The following ZFYVE9 variants were observed in gnomAD, a reference collection of about 807,000 sequenced individuals.
ZFYVE9 encodes zinc finger FYVE domain-containing protein 9.
Under a neutral mutation model 126.7 loss-of-function variants are expected in ZFYVE9, and 43 were observed. The observed-to-expected ratio is 0.34, with a 90% CI of 0.27 to 0.44. The LOEUF (loss-of-function observed/expected upper bound fraction) is 0.44. Ranked by LOEUF, ZFYVE9 falls within the 20% of genes least tolerant of loss-of-function variation. The probability of loss-of-function intolerance (pLI) is 1.00; values close to 1 mark genes in which losing one functional copy is unlikely to be tolerated. For synonymous variants in ZFYVE9, 521 were observed against 597.4 expected, an observed-to-expected ratio of 0.87 and a Z score of 1.87; for missense variants, 1,476 against 1,697.0, an observed-to-expected ratio of 0.87 and a Z score of 2.29.
intron 14 of ZFYVE9, among the ~76,000 whole-genome samples, 186 bp downstream of exon 14, chr1:52,333,104 G>T (rs932177829): frequency 1.3e-5 from 2 of 152,064 alleles, no homozygotes; most frequent in African/African-American, 4.8e-5. Context: ...AGTTGCAAAT[G>T]GGATATGTGT....
At chr1:52,203,609 G>A (rs922706416) in intron 1 of ZFYVE9, among the ~76,000 whole-genome samples, 4 of 150,828 alleles carry the variant, frequency 2.7e-5, no homozygotes, top group African/African-American at 9.7e-5. Flanking sequence ...GAATTGGTAC[G>A]TGGCATTAAT....
chr1:52,146,944 C>T (rs927325687), intron 1 of ZFYVE9, among the ~76,000 whole-genome samples: 1 of 152,096 alleles, frequency 6.6e-6, no homozygotes, highest in African/African-American at 2.4e-5. Context: ...GCTCAAAGGT[C>T]CAAAACTTTT....
At chr1:52,261,997 C>T (rs1316529746) in intron 4 of ZFYVE9, among the ~76,000 whole-genome samples, 1 of 152,132 alleles carries the variant, frequency 6.6e-6, no homozygotes, top group Non-Finnish European at 1.5e-5. Flanking sequence ...CTGTATGACC[C>T]TGGTAATTTT....
chr1:52,247,255 G>A (rs1478500881), intron 4 of ZFYVE9, among the ~76,000 whole-genome samples: 1 of 152,168 alleles, frequency 6.6e-6, no homozygotes, highest in African/African-American at 2.4e-5. Context: ...TAAAACACAT[G>A]TAGCTAGAAA....
chr1:52,144,879 G>T (rs1341653911), intron 1 of ZFYVE9, among the ~76,000 whole-genome samples: 1 of 152,038 alleles, frequency 6.6e-6, no homozygotes, highest in South Asian at 2.1e-4. Flanking sequence ...ACCTTGCGAG[G>T]CTTTTAGGAT....
Position 52,239,063 on chromosome 1 carries a change from A to G in ZFYVE9, c.1646A>G (p.Asn549Ser). Reference sequence around the variant, plus strand: ...CTAATGAAGAAAAATTATTTACATAATTTCTGTAGTCAAGTTCCATCAGTG... The same window carrying G: ...CTAATGAAGAAAAATTATTTACATAGTTTCTGTAGTCAAGTTCCATCAGTG... ...GDLMKKNYLH[N>S]FCSQVPSVLG... The change falls in exon 4 of 19, where the codon AAT becomes AGT. Residue 549 changes from asparagine to serine, a missense_variant. By Grantham distance (46) the Asn-to-Ser change is conservative. Around this residue, in one of 2 missense-constraint regions of ZFYVE9, gnomAD observed 807 missense variants for 794.6 expected, o/e 1.02. Transcript: ENST00000287727. 1.2e-6 allele frequency: 2 copies of G among 1,614,126 alleles called. No individual in the cohort carries two copies. Among genetic ancestry groups the G allele is most frequent in the African/African-American group, 2.7e-5 (2 of 75,050 alleles).
At chr1:52,278,420 C>A (rs1350301472) in intron 8 of ZFYVE9, 72 bp from the exon 9 acceptor site, 2 of 1,572,452 alleles carry the variant, frequency 1.3e-6, no homozygotes, top group Non-Finnish European at 8.7e-7. Context: ...ATAATTAGCT[C>A]ATTTCTCCAT....
intron 3 of ZFYVE9, among the ~76,000 whole-genome samples, chr1:52,237,092 A>AACT (rs1645279646): frequency 6.6e-6 from 1 of 152,086 alleles, no homozygotes; most frequent in African/African-American, 2.4e-5. Flanking sequence ...CTCTACAGAA[A>AACT]ACTTCATTTT....
chr1:52,149,654 G>T (rs554905607), intron 1 of ZFYVE9, among the ~76,000 whole-genome samples: 8 of 152,086 alleles, frequency 5.3e-5, no homozygotes, highest in Non-Finnish European at 1.2e-4. Flanking sequence ...GCCACCACGC[G>T]TGGCTAATTT....
chr1:52,263,127 A>ATTG (rs1410683559), intron 4 of ZFYVE9, among the ~76,000 whole-genome samples: 2 of 151,490 alleles, frequency 1.3e-5, no homozygotes, highest in Non-Finnish European at 2.9e-5. Context: ...AACAAAGGAG[A>ATTG]TTGTTGTTGC....
intron 2 of ZFYVE9, among the ~76,000 whole-genome samples, chr1:52,231,741 A>G (rs913582775): frequency 4.0e-5 from 6 of 151,810 alleles, no homozygotes; most frequent in African/African-American, 1.5e-4. Context: ...CTCCCTCCTC[A>G]GCCTCCTGAG....
intron 1 of ZFYVE9, among the ~76,000 whole-genome samples, chr1:52,200,058 C>A (rs1381617312): frequency 6.8e-6 from 1 of 147,440 alleles, no homozygotes; most frequent in African/African-American, 2.5e-5. Context: ...TTTAAAAGTT[C>A]TTTGTACATT....
intron 16 of ZFYVE9, 66 bp from the exon 17 acceptor site, chr1:52,340,060 G>T (rs370350758): frequency 1.5e-6 from 2 of 1,334,150 alleles, no homozygotes; most frequent in Non-Finnish European, 2.2e-6. Flanking sequence ...GCAGCAAAAC[G>T]TGATAGGAAA....
rs180762507 is a variant in ZFYVE9, at chr1:52,309,716, A to G, written c.3438+5791A>G. ...TTTAGATTTTAATATGATAATTTATAAAGAGCTTTTATAGGTTCTTAAGCA... is the reference window on the plus strand; with the variant it reads ...TTTAGATTTTAATATGATAATTTATGAAGAGCTTTTATAGGTTCTTAAGCA... On this transcript the variant is annotated intron_variant, in intron 13 of 18. Coordinates refer to ENST00000287727, the MANE Select transcript of ZFYVE9 (RefSeq NM_004799.4). Among the ~76,000 whole-genome samples, 13 of 152,302 alleles carry G rather than the reference A, an allele frequency of 8.5e-5. No homozygotes were observed. The East Asian group carries it at 2.3e-3, about 27-fold the overall frequency.
chr1:52,182,872 A>G (rs192732040), intron 1 of ZFYVE9, among the ~76,000 whole-genome samples: 1 of 152,250 alleles, frequency 6.6e-6, no homozygotes, highest in Admixed American at 6.5e-5. Context: ...CCTCATTTAT[A>G]TTTTAAGTAA....
At chr1:52,198,511 AAGTT>A (rs1309416711) in intron 1 of ZFYVE9, among the ~76,000 whole-genome samples, 2 of 152,200 alleles carry the variant, frequency 1.3e-5, no homozygotes, top group African/African-American at 4.8e-5. Context: ...ATGTGGTTAA[AAGTT>A]AGAAACAATG....
chr1:52,238,739 G>T lies in ZFYVE9; in HGVS notation c.1322G>T (p.Gly441Val). 4 of 1,614,066 alleles carry T rather than the reference G, an allele frequency of 2.5e-6. No homozygotes were observed. Among genetic ancestry groups the T allele is most frequent in the South Asian group, 1.1e-5 (1 of 91,070 alleles). The change falls in exon 4 of 19, where the codon GGA becomes GTA. Residue 441 changes from glycine (G) to valine (V), a missense_variant. By Grantham distance (109) the Gly-to-Val change is moderately radical. Around this residue, in one of 2 missense-constraint regions of ZFYVE9, gnomAD observed 807 missense variants for 794.6 expected, o/e 1.02. Transcript: ENST00000287727. ...TNGDSGGQCV[G>V]LADAGLDLKG... ...GGTGATAGTGGAGGACAGTGTGTTG[G>T]ATTGGCAGATGCAGGTCTAGATTTA...
intron 13 of ZFYVE9, among the ~76,000 whole-genome samples, chr1:52,308,960 A>G (rs1251466347): frequency 6.6e-6 from 1 of 152,240 alleles, no homozygotes; most frequent in Non-Finnish European, 1.5e-5. Flanking sequence ...AGATAAAACA[A>G]TATGAAAACA....
At chr1:52,332,726 A>T in intron 13 of ZFYVE9, 42 bp from the exon 14 acceptor site, 3 of 1,593,324 alleles carry the variant, frequency 1.9e-6, no homozygotes, top group Non-Finnish European at 8.5e-7. Flanking sequence ...AGACAGAAAA[A>T]TGCCCATTCT....
Sources: gnomAD v4.1 joint callset for allele counts (sites outside exome capture counted in the v4.1 genomes callset) on GRCh38, gnomAD v4.1.1 for gene constraint, gnomAD v4.1.1 regional missense constraint, MANE v1.5 for transcripts, NCBI Gene and HGNC (gene_info 2026-07-23, HGNC 2026-07-21) for gene names.